Variants in OSBPL10 observed in about 807,000 individuals in gnomAD.
OSBPL10 encodes the protein oxysterol-binding protein-related protein 10.
In OSBPL10, 49 loss-of-function variants were observed where a neutral mutation model predicts 81.7. That is an observed-to-expected ratio of 0.60 (90% CI 0.48 to 0.76). The LOEUF (loss-of-function observed/expected upper bound fraction) is 0.76. OSBPL10 is among the 30% of genes least tolerant of loss of function. OSBPL10 has a pLI of 0.00. For missense variants in OSBPL10, 923 were observed against 987.8 expected, an observed-to-expected ratio of 0.93 and a Z score of 0.88; for synonymous variants, 419 against 383.6, an observed-to-expected ratio of 1.09 and a Z score of -1.08.
At chr3:31,952,026 A>T (rs144714029) in intron 1 of OSBPL10, among the ~76,000 whole-genome samples, 75 of 152,328 alleles carry the variant, frequency 4.9e-4, no homozygotes, top group African/African-American at 1.7e-3. Context: ...GTGGGAAATG[A>T]GTATTGTTTA....
chr3:31,722,587 T>C (rs1423094953), intron 6 of OSBPL10, among the ~76,000 whole-genome samples: 3 of 152,134 alleles, frequency 2.0e-5, no homozygotes, highest in African/African-American at 4.8e-5. Context: ...ATTCAATACA[T>C]GGAATTAGCA....
intron 1 of OSBPL10, among the ~76,000 whole-genome samples, chr3:31,880,523 G>C (rs905928685): frequency 6.6e-6 from 1 of 152,190 alleles, no homozygotes; most frequent in Non-Finnish European, 1.5e-5. Context: ...ATTTTCTCAA[G>C]CTATTACCTA....
At chr3:31,967,005 G>A (rs1280714919) in intron 1 of OSBPL10, among the ~76,000 whole-genome samples, 3 of 151,442 alleles carry the variant, frequency 2.0e-5, no homozygotes, top group African/African-American at 7.3e-5. Context: ...CAATCTCTGA[G>A]GGGATTTTTT....
At chr3:31,725,821 T>A (rs1696790164) in intron 6 of OSBPL10, among the ~76,000 whole-genome samples, 1 of 152,226 alleles carries the variant, frequency 6.6e-6, no homozygotes, top group African/African-American at 2.4e-5. Context: ...TCATGAATAC[T>A]ACCAATGAAC....
intron 1 of OSBPL10, among the ~76,000 whole-genome samples, chr3:31,885,354 C>T (rs1415608583): frequency 6.7e-6 from 1 of 148,994 alleles, no homozygotes; most frequent in Non-Finnish European, 1.5e-5. Context: ...GTGACACACT[C>T]ACACATTCAT....
chr3:31,948,288 T>C (rs983909540), intron 1 of OSBPL10, among the ~76,000 whole-genome samples: 2 of 152,232 alleles, frequency 1.3e-5, no homozygotes, highest in African/African-American at 2.4e-5. Context: ...TTCATCATTA[T>C]GAGTCTTTTC....
At chr3:31,950,119 G>A (rs1051326526) in intron 1 of OSBPL10, among the ~76,000 whole-genome samples, 1 of 152,122 alleles carries the variant, frequency 6.6e-6, no homozygotes, top group Non-Finnish European at 1.5e-5. Flanking sequence ...ATAATTAAGA[G>A]AATATGGAAA....
At chr3:32,045,969 AC>A (rs1358967911) in intron 2 of OSBPL10, 1 of 152,242 alleles carries the variant, frequency 6.6e-6, no homozygotes, top group Non-Finnish European at 1.5e-5. Context: ...ACTGCACTTG[AC>A]CAGTCAACAA....
At chr3:31,892,550 G>A (rs1015832653) in intron 1 of OSBPL10, among the ~76,000 whole-genome samples, 1 of 152,122 alleles carries the variant, frequency 6.6e-6, no homozygotes, top group Non-Finnish European at 1.5e-5. Flanking sequence ...CTATAAAACT[G>A]GACAAAACTG....
At chr3:32,050,351 C>T (rs1168863660) in intron 1 of OSBPL10, among the ~76,000 whole-genome samples, 1 of 152,268 alleles carries the variant, frequency 6.6e-6, no homozygotes, top group African/African-American at 2.4e-5. Flanking sequence ...CAATTTCTGG[C>T]TTTGGGAATG....
At chr3:31,844,394 C>T (rs1700576480) in intron 3 of OSBPL10, among the ~76,000 whole-genome samples, 1 of 152,110 alleles carries the variant, frequency 6.6e-6, no homozygotes, top group Non-Finnish European at 1.5e-5. Flanking sequence ...AGTCAAAAGG[C>T]AGAAATAACT....
At chr3:31,943,602 T>C (rs112606342) in intron 1 of OSBPL10, among the ~76,000 whole-genome samples, 9,484 of 152,198 alleles carry the variant, frequency 0.062, 591 homozygotes, top group African/African-American at 0.16. Flanking sequence ...CAGACATACA[T>C]GGATATTTTA....
At chr3:31,870,156 C>T (rs1345100816) in intron 3 of OSBPL10, among the ~76,000 whole-genome samples, 5 of 152,246 alleles carry the variant, frequency 3.3e-5, no homozygotes, top group Non-Finnish European at 5.9e-5. Flanking sequence ...CTGCGCACTG[C>T]GCTTGCGGGC....
At chr3:31,931,014 C>CAAAAAA (rs60251266) in intron 1 of OSBPL10, among the ~76,000 whole-genome samples, 2 of 62,064 alleles carry the variant, frequency 3.2e-5, no homozygotes, top group African/African-American at 1.4e-4. Context: ...GACTCGGTCT[C>CAAAAAA]AAAAAAAAAA....
intron 3 of OSBPL10, among the ~76,000 whole-genome samples, chr3:31,864,165 G>A (rs1016177788): frequency 2.6e-5 from 4 of 152,194 alleles, no homozygotes; most frequent in African/African-American, 7.2e-5. Context: ...TGGTATATAT[G>A]GGAGCACAGA....
At chr3:31,782,997 T>C (rs925182980) in intron 4 of OSBPL10, among the ~76,000 whole-genome samples, 5 of 151,894 alleles carry the variant, frequency 3.3e-5, no homozygotes, top group African/African-American at 1.2e-4. Flanking sequence ...TGTATGTTTA[T>C]AGCAGCACAA....
intron 8 of OSBPL10, among the ~76,000 whole-genome samples, chr3:31,682,847 A>G (rs1021709209): frequency 6.6e-6 from 1 of 152,248 alleles, no homozygotes; most frequent in Non-Finnish European, 1.5e-5. Flanking sequence ...TAGGTGCTCA[A>G]TAAAAATGTG....
At chr3:31,813,382 C>A (rs75542001) in intron 4 of OSBPL10, among the ~76,000 whole-genome samples, 2 of 152,166 alleles carry the variant, frequency 1.3e-5, no homozygotes, top group East Asian at 1.9e-4. Flanking sequence ...TGGCTCTCCA[C>A]CCAGAATTGA....
At chr3:31,862,823 G>A (rs1477567794) in intron 3 of OSBPL10, among the ~76,000 whole-genome samples, 1 of 152,200 alleles carries the variant, frequency 6.6e-6, no homozygotes, top group Non-Finnish European at 1.5e-5. Flanking sequence ...TGATAGGGAT[G>A]TAAAATGGTG....
Sources: allele counts gnomAD v4.1 joint callset (sites outside exome capture counted in the v4.1 genomes callset), GRCh38; gene constraint gnomAD v4.1.1; transcripts MANE v1.5; gene names NCBI Gene and HGNC (gene_info 2026-07-23, HGNC 2026-07-21).